CSMD3: variants seen among roughly 807,000 people sequenced by gnomAD.
CSMD3 encodes the protein CUB and sushi domain-containing protein 3.
Under a neutral mutation model 435.2 loss-of-function variants are expected in CSMD3, and 177 were observed. The observed-to-expected ratio is 0.41, with a 90% CI of 0.36 to 0.46. The LOEUF (loss-of-function observed/expected upper bound fraction) is 0.46. Among genes scored for constraint, CSMD3 ranks in the 20% least tolerant of loss-of-function variants. The pLI is 0.34. For synonymous variants in CSMD3, 1,656 were observed against 1,520.5 expected, an observed-to-expected ratio of 1.09 and a Z score of -2.07; for missense variants, 4,265 against 4,504.6, an observed-to-expected ratio of 0.95 and a Z score of 1.52.
chr8:112,645,846 T>G (rs1355201597), intron 19 of CSMD3, among the ~76,000 whole-genome samples: 2 of 152,208 alleles, frequency 1.3e-5, no homozygotes, highest in Non-Finnish European at 2.9e-5. Flanking sequence ...TTCTATATAT[T>G]CAACAGCTAT....
chr8:112,488,626 C>G (rs1820380580), intron 31 of CSMD3, among the ~76,000 whole-genome samples: 1 of 152,098 alleles, frequency 6.6e-6, no homozygotes, highest in East Asian at 1.9e-4. Context: ...GGGACCTCGG[C>G]TGAAAAGCAG....
chr8:112,532,102 A>T (rs144121874), intron 27 of CSMD3, among the ~76,000 whole-genome samples: 1,743 of 139,318 alleles, frequency 0.013, 30 homozygotes, highest in African/African-American at 0.045. Flanking sequence ...AAAATGCATT[A>T]GAGTGTCTCA....
At chr8:113,012,872 T>C (rs2086307594) in intron 6 of CSMD3, among the ~76,000 whole-genome samples, 1 of 152,036 alleles carries the variant, frequency 6.6e-6, no homozygotes, top group African/African-American at 2.4e-5. Context: ...TCCTCCACCC[T>C]ATCCTTAGAA....
At chr8:112,321,687 T>C (rs1437317720) in intron 45 of CSMD3, among the ~76,000 whole-genome samples, 2 of 152,162 alleles carry the variant, frequency 1.3e-5, no homozygotes, top group African/African-American at 4.8e-5. Context: ...GTGTTTTAAT[T>C]TTCTTCTGCA....
chr8:112,549,778 A>T (rs1193776740), intron 27 of CSMD3, among the ~76,000 whole-genome samples: 2 of 152,036 alleles, frequency 1.3e-5, no homozygotes, highest in Non-Finnish European at 1.5e-5. Flanking sequence ...TCCTACGTCA[A>T]TTAGAAAACC....
chr8:113,428,954 A>G (rs1161655543), intron 1 of CSMD3, among the ~76,000 whole-genome samples: 1 of 151,840 alleles, frequency 6.6e-6, no homozygotes, highest in Non-Finnish European at 1.5e-5. Context: ...ACATTCCTTT[A>G]AAAATTGCTA....
intron 3 of CSMD3, among the ~76,000 whole-genome samples, chr8:113,195,178 A>G (rs1403032637): frequency 6.7e-6 from 1 of 149,572 alleles, no homozygotes; most frequent in African/African-American, 2.4e-5. Context: ...AAAAACACTC[A>G]CTACTGAAAA....
chr8:113,273,099 G>A (rs1284088588), intron 3 of CSMD3, among the ~76,000 whole-genome samples: 1 of 151,742 alleles, frequency 6.6e-6, no homozygotes, highest in African/African-American at 2.4e-5. Flanking sequence ...TTGTATGATT[G>A]TATGAAAATA....
At chr8:112,819,128 G>C (rs1003144489) in intron 12 of CSMD3, among the ~76,000 whole-genome samples, 1 of 152,140 alleles carries the variant, frequency 6.6e-6, no homozygotes, top group Non-Finnish European at 1.5e-5. Context: ...CACCTCACCT[G>C]TGCATCCCTA....
At chr8:112,852,876 C>T (rs892101080) in intron 11 of CSMD3, among the ~76,000 whole-genome samples, 10 of 151,780 alleles carry the variant, frequency 6.6e-5, no homozygotes, top group South Asian at 2.1e-4. Flanking sequence ...AAGCCGAGAT[C>T]GTGCCACTGT....
chr8:113,100,027 T>C lies in CSMD3; in HGVS notation c.710-1064A>G, dbSNP rs569125160. On this transcript the variant is annotated intron_variant, in intron 4 of 70. Coordinates refer to ENST00000297405, the MANE Select transcript of CSMD3 (RefSeq NM_198123.2). Reference sequence around the variant, plus strand: ...CCTAAACAAATGGAGATGGACAATATCTTTGTATTCAATTCCATGATGGGT... The same window carrying C: ...CCTAAACAAATGGAGATGGACAATACCTTTGTATTCAATTCCATGATGGGT... Among the ~76,000 whole-genome samples, 3 of 152,208 alleles carry C rather than the reference T, an allele frequency of 2.0e-5. No individual in the cohort carries two copies. The South Asian group carries it at 6.2e-4, about 32-fold the overall frequency.
At chr8:112,279,241 C>G (rs939484554) in intron 59 of CSMD3, among the ~76,000 whole-genome samples, 4 of 152,148 alleles carry the variant, frequency 2.6e-5, no homozygotes, top group African/African-American at 9.7e-5. Context: ...CTTGAAAAAT[C>G]TTTGTGGTCT....
At chr8:113,023,557 G>A (rs1213539357) in intron 5 of CSMD3, among the ~76,000 whole-genome samples, 2 of 152,070 alleles carry the variant, frequency 1.3e-5, no homozygotes, top group Non-Finnish European at 2.9e-5. Flanking sequence ...ATGGCCCTAT[G>A]TTGAGCTGCT....
At chr8:113,001,727 T>C (rs1188335957) in intron 6 of CSMD3, among the ~76,000 whole-genome samples, 2 of 152,114 alleles carry the variant, frequency 1.3e-5, no homozygotes, top group Admixed American at 6.6e-5. Context: ...GGGAAACTAA[T>C]GGATAACAAC....
intron 3 of CSMD3, among the ~76,000 whole-genome samples, chr8:113,218,498 C>T (rs2092931411): frequency 6.8e-6 from 1 of 147,598 alleles, no homozygotes; most frequent in Admixed American, 6.8e-5. Context: ...TATGTCATGA[C>T]CAATTGAACT....
At chr8:112,822,534 A>T (rs2079556118) in intron 12 of CSMD3, among the ~76,000 whole-genome samples, 1 of 152,138 alleles carries the variant, frequency 6.6e-6, no homozygotes, top group Non-Finnish European at 1.5e-5. Context: ...GTTGCTTACC[A>T]GCTTGAGGAG....
chr8:112,252,770 T>C (rs1815399870), intron 63 of CSMD3, among the ~76,000 whole-genome samples: 1 of 149,860 alleles, frequency 6.7e-6, no homozygotes, highest in East Asian at 2.0e-4. Context: ...AGACACAAAA[T>C]ACATTTAATT....
chr8:112,780,284 C>G (rs1231092980), intron 13 of CSMD3, among the ~76,000 whole-genome samples: 1 of 152,050 alleles, frequency 6.6e-6, no homozygotes, highest in East Asian at 1.9e-4. Context: ...TCAGGCACTA[C>G]TTATAGGAAC....
chr8:112,725,863 T>C (rs972879321), intron 13 of CSMD3, among the ~76,000 whole-genome samples: 1 of 151,866 alleles, frequency 6.6e-6, no homozygotes, highest in Non-Finnish European at 1.5e-5. Flanking sequence ...GGAGAAAACA[T>C]GAGATTGCAA....
Sources: allele counts gnomAD v4.1 joint callset (sites outside exome capture counted in the v4.1 genomes callset), GRCh38; gene constraint gnomAD v4.1.1; transcripts MANE v1.5; gene names NCBI Gene and HGNC (gene_info 2026-07-23, HGNC 2026-07-21).